SLC12A9: variants seen among roughly 807,000 people sequenced by gnomAD.
SLC12A9 encodes the protein solute carrier family 12 member 9.
Under a neutral mutation model 66.0 loss-of-function variants are expected in SLC12A9, and 55 were observed. The observed-to-expected ratio is 0.83, with a 90% CI of 0.67 to 1.04. SLC12A9 has a LOEUF of 1.04. SLC12A9 is among the 50% of genes least tolerant of loss of function. SLC12A9 has a pLI of 0.00. For missense variants in SLC12A9, 1,061 were observed against 1,241.9 expected, an observed-to-expected ratio of 0.85 and a Z score of 2.19; for synonymous variants, 577 against 569.0, an observed-to-expected ratio of 1.01 and a Z score of -0.20.
chr7:100,830,541 C>G (rs1813525231), intron 1 of SLC12A9, among the ~76,000 whole-genome samples: 1 of 151,314 alleles, frequency 6.6e-6, no homozygotes, highest in Non-Finnish European at 1.5e-5. Flanking sequence ...AGAAAACATT[C>G]TATTCCATGT....
intron 1 of SLC12A9, among the ~76,000 whole-genome samples, chr7:100,828,486 A>G (rs777032457): frequency 7.2e-6 from 1 of 138,582 alleles, no homozygotes; most frequent in Non-Finnish European, 1.5e-5. Flanking sequence ...CGGAGGTTGC[A>G]GTGAGCTGGG....
chr7:100,861,182 C>T lies in SLC12A9; in HGVS notation c.1263C>T (p.Val421=). 1 of 1,614,194 alleles carries T rather than the reference C, an allele frequency of 6.2e-7. No homozygotes were observed. The highest frequency in any genetic ancestry group is 8.5e-7 in the Non-Finnish European group (1 of 1,180,026). Residue 421 remains valine (V), a synonymous_variant, in exon 10 of 14, where the codon GTC becomes GTT. Transcript: ENST00000354161. This position sits in a 1 kb window ranked among gnomAD's most constrained non-coding sequence, Gnocchi z 5.3. ...AGCTGAACACACTGGCTGCTGTGGT[C>T]ACTGTCTTCTACCTGGTGGCCTATG... The part of the protein sequence containing the change: ...AGKLNTLAAV[V]TVFYLVAYAA...
At chr7:100,827,751 G>A (rs1813454951) in intron 1 of SLC12A9, among the ~76,000 whole-genome samples, 1 of 152,222 alleles carries the variant, frequency 6.6e-6, no homozygotes, top group Non-Finnish European at 1.5e-5. Flanking sequence ...GGACCGCCCA[G>A]ATGTGCGCCG....
chr7:100,860,850 G>A, intron 9 of SLC12A9: 1 of 504,854 alleles, frequency 2.0e-6, no homozygotes, highest in Non-Finnish European at 3.7e-6. Flanking sequence ...GGGTACACTG[G>A]CACTTTCTGG....
chr7:100,855,514 C>A, intron 3 of SLC12A9, 192 bp from the exon 4 acceptor site: 1 of 671,834 alleles, frequency 1.5e-6, no homozygotes, highest in Non-Finnish European at 2.5e-6. Context: ...ATTTCTAGTC[C>A]AACAATCTCA....
rs1814565071 is a variant in SLC12A9, at chr7:100,858,868, T to G, written c.791T>G (p.Val264Gly). 1 of 1,614,026 alleles carries G rather than the reference T, an allele frequency of 6.2e-7. No individual in the cohort carries two copies. Among genetic ancestry groups the G allele is most frequent in the Admixed American group, 1.7e-5 (1 of 60,004 alleles). ...GYAEDYTTGAVMNFASVFAVL... is the reference protein window; with the variant it reads ...GYAEDYTTGAGMNFASVFAVL... ...GCTGAGGACTACACCACGGGAGCCGTGATGAATTTTGCCAGCGTCTTTGCT... is the reference window on the plus strand; with the variant it reads ...GCTGAGGACTACACCACGGGAGCCGGGATGAATTTTGCCAGCGTCTTTGCT... Residue 264 changes from valine to glycine, a missense_variant, in exon 6 of 14, where the codon GTG becomes GGG. Physicochemically the swap from Val to Gly is moderately radical, Grantham distance 109. Coordinates refer to ENST00000354161, the MANE Select transcript of SLC12A9 (RefSeq NM_020246.4).
At chr7:100,860,548 G>T in intron 9 of SLC12A9, 1 of 391,614 alleles carries the variant, frequency 2.6e-6, no homozygotes, top group Non-Finnish European at 4.7e-6. Context: ...ACTTTGTGGG[G>T]TGCCCCAGCA....
Position 100,829,388 on chromosome 7 carries a change from G to A in SLC12A9, n.228+2341G>A, listed in dbSNP as rs551124581. 7.2e-5 allele frequency among the ~76,000 whole-genome samples: 11 copies of A among 152,270 alleles called. No individual in the cohort carries two copies. The South Asian group carries it at 2.3e-3, about 32-fold the overall frequency. On this transcript the variant is annotated intron_variant and non_coding_transcript_variant, in intron 1 of 1. Coordinates refer to the SLC12A9 transcript ENST00000461016. ...TTGGGGGGCTGCCAAGCGCCCTTAC[G>A]TCCCAGAAAGGACAGCCGGGCCTGT...
In SLC12A9 at chr7:100,862,812, C is replaced by T. The variant is rs765019830; in HGVS notation, c.1843C>T (p.Arg615Ter). ...SVRQGAQHLLRISGLGGMKPN... is the reference protein window; with the variant it reads ...SVRQGAQHLL ...GCGCCAGGGGGCTCAGCATCTGCTGCGAATCTCCGGCCTCGGTGAGCTGCT... is the reference window on the plus strand; with the variant it reads ...GCGCCAGGGGGCTCAGCATCTGCTGTGAATCTCCGGCCTCGGTGAGCTGCT... The change falls in exon 13 of 14, where the codon CGA (arginine) becomes TGA (stop). Residue 615 changes from arginine (R) to a stop codon, truncating the protein, a stop_gained. Transcript: ENST00000354161. LOFTEE classifies it high-confidence loss of function. 3.0e-5 allele frequency: 49 copies of T among 1,614,076 alleles called. No homozygotes were observed. The highest frequency in any genetic ancestry group is 3.5e-5 in the Non-Finnish European group (41 of 1,180,010).
intron 1 of SLC12A9, among the ~76,000 whole-genome samples, chr7:100,840,971 C>G (rs754254096): frequency 6.6e-6 from 1 of 150,516 alleles, no homozygotes; most frequent in Non-Finnish European, 1.5e-5. Flanking sequence ...CAGTCTGTAG[C>G]GGCAACTGCT....
intron 13 of SLC12A9, chr7:100,865,283 G>A (rs1562997770): frequency 1.3e-6 from 2 of 1,535,770 alleles, no homozygotes; most frequent in Non-Finnish European, 1.7e-6. Flanking sequence ...TCTTCCCATT[G>A]CAGAGTCTGG....
chr7:100,834,006 A>T (rs1227032741), intron 1 of SLC12A9, among the ~76,000 whole-genome samples: 2 of 151,048 alleles, frequency 1.3e-5, no homozygotes, highest in East Asian at 3.9e-4. Context: ...GTCATTTTCT[A>T]CCTTCCAGGA....
At chr7:100,839,982 A>G (rs1813750387) in intron 1 of SLC12A9, among the ~76,000 whole-genome samples, 4 of 150,196 alleles carry the variant, frequency 2.7e-5, no homozygotes, top group Admixed American at 2.7e-4. Flanking sequence ...TGCCCACTGC[A>G]TTTAAGTGGA....
intron 1 of SLC12A9, among the ~76,000 whole-genome samples, chr7:100,828,301 G>A (rs1195009461): frequency 6.6e-6 from 1 of 151,944 alleles, no homozygotes; most frequent in African/African-American, 2.4e-5. Context: ...CATTTTGGGA[G>A]GCAGAGGCAG....
chr7:100,854,104 G>C, intron 1 of SLC12A9, 52 bp from the exon 2 acceptor site: 21 of 1,190,672 alleles, frequency 1.8e-5, no homozygotes, highest in Non-Finnish European at 2.4e-5. Flanking sequence ...GGTCTTTGGG[G>C]GTGGGCGAGC....
At chr7:100,841,080 AT>A (rs1298005978) in intron 1 of SLC12A9, among the ~76,000 whole-genome samples, 1 of 151,990 alleles carries the variant, frequency 6.6e-6, no homozygotes, top group Non-Finnish European at 1.5e-5. Context: ...GGAAAAAAGA[AT>A]TTTTTTTCCT....
At chr7:100,847,005 C>T (rs752931425) in intron 1 of SLC12A9, among the ~76,000 whole-genome samples, 6 of 152,088 alleles carry the variant, frequency 3.9e-5, no homozygotes, top group East Asian at 1.9e-4. Context: ...CTTGCTCAAT[C>T]GATCAAGACC....
intron 4 of SLC12A9, 33 bp downstream of exon 4, chr7:100,855,870 G>C (rs776535500): frequency 6.4e-7 from 1 of 1,562,854 alleles, no homozygotes; most frequent in East Asian, 2.3e-5. Flanking sequence ...GCAGTGCTGC[G>C]GGTTTACAGG....
chr7:100,862,263 C>A (rs998218030), intron 12 of SLC12A9, among the ~76,000 whole-genome samples: 1 of 151,838 alleles, frequency 6.6e-6, no homozygotes, highest in Non-Finnish European at 1.5e-5. Context: ...AGAACCCCTC[C>A]CCCGCTTTTT....
Sources: gnomAD v4.1 joint callset for allele counts (sites outside exome capture counted in the v4.1 genomes callset) on GRCh38, gnomAD v4.1.1 for gene constraint, Gnocchi (gnomAD v3.1) non-coding constraint, MANE v1.5 for transcripts, NCBI Gene and HGNC (gene_info 2026-07-23, HGNC 2026-07-21) for gene names.